The following LIN9 variants were observed in gnomAD, a reference collection of about 807,000 sequenced individuals.
LIN9 encodes lin-9 DREAM MuvB core complex component, also known as protein lin-9 homolog.
In LIN9, 18 loss-of-function variants were observed where a neutral mutation model predicts 78.0. The observed-to-expected ratio is 0.23, with a 90% CI of 0.16 to 0.34. The LOEUF (loss-of-function observed/expected upper bound fraction) is 0.34, where lower values mean the gene tolerates loss of function less well. Ranked by LOEUF, LIN9 falls within the 10% of genes least tolerant of loss-of-function variation. The pLI, the probability that LIN9 is intolerant of heterozygous loss-of-function variation, is 1.00. For synonymous variants in LIN9, 192 were observed against 215.2 expected (o/e 0.89, Z 0.94); for missense variants, 451 against 644.1 (o/e 0.70, Z 3.25).
chr1:226,292,633 A>T (rs1015170220), intron 4 of LIN9, among the ~76,000 whole-genome samples: 8 of 151,440 alleles, frequency 5.3e-5, no homozygotes, highest in South Asian at 2.1e-4. Flanking sequence ...TTTAAAAAAA[A>T]TTTTTTTTGT....
rs565541172 is a variant in LIN9, at chr1:226,262,197, A to G, written c.1038+3336T>C. 4.6e-5 allele frequency among the ~76,000 whole-genome samples: 7 copies of G among 152,358 alleles called. No homozygotes were observed. The East Asian group carries it at 1.3e-3, about 29-fold the overall frequency. On this transcript the variant is annotated intron_variant, in intron 10 of 14. Coordinates refer to ENST00000681046, the MANE Select transcript of LIN9 (RefSeq NM_001366245.2). Reference sequence around the variant, plus strand: ...CCTAGAAAGTAACACAGGAAAAAAAATCTAGATGACTTTGGTTTTGTGACA... The same window carrying G: ...CCTAGAAAGTAACACAGGAAAAAAAGTCTAGATGACTTTGGTTTTGTGACA...
chr1:226,270,824 CAAAAAAAAA>C (rs764106581), intron 7 of LIN9, among the ~76,000 whole-genome samples: 24 of 22,184 alleles, frequency 1.1e-3, no homozygotes, highest in African/African-American at 1.8e-3. Flanking sequence ...GACTCTGTCT[CAAAAAAAAA>C]AAAAAAAAAA....
At chr1:226,300,201 G>A (rs1422649831) in intron 2 of LIN9, among the ~76,000 whole-genome samples, 19 of 152,072 alleles carry the variant, frequency 1.2e-4, no homozygotes. Context: ...GCCTCCCAAA[G>A]TGCCGGGATT....
intron 1 of LIN9, among the ~76,000 whole-genome samples, chr1:226,302,589 TGA>T (rs2102678925): frequency 6.6e-6 from 1 of 151,278 alleles, no homozygotes; most frequent in South Asian, 2.1e-4. Flanking sequence ...AGAAGCTTTT[TGA>T]GAGTGAGAAA....
At chr1:226,284,327 A>G (rs1362487036) in intron 6 of LIN9, among the ~76,000 whole-genome samples, 1 of 152,170 alleles carries the variant, frequency 6.6e-6, no homozygotes, top group Non-Finnish European at 1.5e-5. Flanking sequence ...TCTATTTTAA[A>G]GTGCTCTTTA....
At chr1:226,281,457 TTGAC>T (rs1037307818) in intron 6 of LIN9, among the ~76,000 whole-genome samples, 2 of 152,184 alleles carry the variant, frequency 1.3e-5, no homozygotes, top group Non-Finnish European at 2.9e-5. Flanking sequence ...TTGTTTTTTA[TTGAC>T]TATTTCCACA....
intron 4 of LIN9, among the ~76,000 whole-genome samples, chr1:226,293,237 A>T (rs545601152): frequency 1.3e-5 from 2 of 152,248 alleles, no homozygotes; most frequent in African/African-American, 4.8e-5. Flanking sequence ...AAGAAGTCTC[A>T]TATCATGTTT....
chr1:226,255,812 CAAAG>C (rs1344786558), intron 10 of LIN9, among the ~76,000 whole-genome samples: 2 of 150,922 alleles, frequency 1.3e-5, no homozygotes, highest in East Asian at 3.9e-4. Flanking sequence ...AACTAAAAAA[CAAAG>C]AGAACAAAGA....
chr1:226,267,893 A>G, intron 8 of LIN9, 64 bp downstream of exon 8: 1 of 1,486,930 alleles, frequency 6.7e-7, no homozygotes. Flanking sequence ...ACGATTTCTA[A>G]AAAAACTCTA....
Position 226,268,100 on chromosome 1 carries a change from G to C in LIN9, c.683-10C>G. The C allele has an allele frequency of 6.2e-7, 1 of 1,611,780 alleles. No individual in the cohort carries two copies. The highest frequency in any genetic ancestry group is 8.5e-7 in the Non-Finnish European group (1 of 1,178,914). The stretch of plus-strand genomic sequence containing the variant: ...ACACCACGTAATCGTGCTGAGAAAA[G>C]AACAAAGGCATTATGATGTGTGGGA... On this transcript the variant is annotated splice_polypyrimidine_tract_variant and intron_variant, in intron 7 of 14. Transcript: ENST00000681046.
chr1:226,285,150 C>T lies in LIN9; in HGVS notation c.524+1183G>A, dbSNP rs943350562. On this transcript the variant is annotated intron_variant, in intron 6 of 14. Coordinates refer to ENST00000681046, the MANE Select transcript of LIN9 (RefSeq NM_001366245.2). ...GAGAAATATTATGACACTCAAACTACAGAACTATGACAAAACAGTAAATAG... is the reference window on the plus strand; with the variant it reads ...GAGAAATATTATGACACTCAAACTATAGAACTATGACAAAACAGTAAATAG... Among the ~76,000 whole-genome samples the T allele has an allele frequency of 5.3e-5, 8 of 152,194 alleles. No individual in the cohort carries two copies. The East Asian group carries it at 1.2e-3, about 22-fold the overall frequency.
intron 7 of LIN9, among the ~76,000 whole-genome samples, chr1:226,277,558 ATC>A (rs1660746454): frequency 6.6e-6 from 1 of 152,228 alleles, no homozygotes; most frequent in African/African-American, 2.4e-5. Flanking sequence ...GAAAAAAAAT[ATC>A]AAGTGATGTG....
chr1:226,291,813 C>T (rs896124967), intron 4 of LIN9, among the ~76,000 whole-genome samples: 1 of 151,998 alleles, frequency 6.6e-6, no homozygotes, highest in Non-Finnish European at 1.5e-5. Flanking sequence ...AGTTTTTTCA[C>T]CAACATCCTT....
chr1:226,248,791 T>C (rs1265890438), intron 11 of LIN9, among the ~76,000 whole-genome samples: 1 of 152,174 alleles, frequency 6.6e-6, no homozygotes, highest in Non-Finnish European at 1.5e-5. Context: ...GGAGAAGGCA[T>C]TATAAAGAAC....
At chr1:226,244,629 G>A (rs909863831) in intron 11 of LIN9, among the ~76,000 whole-genome samples, 24 of 152,148 alleles carry the variant, frequency 1.6e-4, no homozygotes, top group African/African-American at 5.6e-4. Context: ...GTAAAAATAT[G>A]AGCTTATAAG....
At chr1:226,283,182 A>G (rs977309904) in intron 6 of LIN9, among the ~76,000 whole-genome samples, 1 of 151,524 alleles carries the variant, frequency 6.6e-6, no homozygotes, top group Non-Finnish European at 1.5e-5. Flanking sequence ...GCTTGAGTGC[A>G]GTGGCGTGAG....
At position 226,232,202 on chromosome 1, in the gene LIN9, A is replaced by C; in HGVS notation, c.*299T>G. ...TTCATGCACATTAAAAAAAATGGTC[A>C]ATGTATTCTTCCACGAAATTATATT... On this transcript the variant is annotated 3_prime_UTR_variant, in exon 15 of 15. Transcript: ENST00000681046. 2.5e-6 allele frequency: 1 copy of C among 400,592 alleles called. No individual in the cohort carries two copies. 24.8% of individuals were successfully genotyped at this position (400,592 alleles called of 1,614,324 possible).
chr1:226,279,232 C>T (rs1294463392), intron 6 of LIN9, among the ~76,000 whole-genome samples: 4 of 151,898 alleles, frequency 2.6e-5, no homozygotes, highest in East Asian at 3.9e-4. Context: ...CTTTGTAGTC[C>T]GAGGTGGAAG....
intron 8 of LIN9, among the ~76,000 whole-genome samples, chr1:226,267,210 T>G (rs997059459): frequency 2.8e-4 from 41 of 144,560 alleles, no homozygotes; most frequent in African/African-American, 9.2e-4. Context: ...TCAAGCAATA[T>G]TGTATTTCTG....
Sources: gnomAD v4.1 joint callset for allele counts (sites outside exome capture counted in the v4.1 genomes callset) on GRCh38, gnomAD v4.1.1 for gene constraint, MANE v1.5 for transcripts, NCBI Gene and HGNC (gene_info 2026-07-23, HGNC 2026-07-21) for gene names.